Variants in ENOX1 observed in about 807,000 individuals in gnomAD.
ENOX1 encodes the protein candidate growth-related and time keeping constitutive hydroquinone (NADH) oxidase.
A neutral mutation model predicts 82.5 loss-of-function variants in ENOX1; 42 were observed. The observed-to-expected ratio is 0.51, with a 90% CI of 0.40 to 0.66. The LOEUF (loss-of-function observed/expected upper bound fraction) is 0.66, where lower values mean the gene tolerates loss of function less well. ENOX1 is among the 30% of genes least tolerant of loss of function. The probability of loss-of-function intolerance (pLI) is 0.00; values close to 1 mark genes in which losing one functional copy is unlikely to be tolerated. For synonymous variants in ENOX1, 271 were observed against 282.2 expected (o/e 0.96, Z 0.40); for missense variants, 608 against 811.6 (o/e 0.75, Z 3.05).
At chr13:43,507,259 C>G (rs1004862907) in intron 2 of ENOX1, among the ~76,000 whole-genome samples, 11 of 151,766 alleles carry the variant, frequency 7.2e-5, no homozygotes, top group Non-Finnish European at 2.9e-5. Flanking sequence ...GTAAGAAAAG[C>G]AAAGGAGAGG....
At chr13:43,718,423 T>C (rs1478744528) in intron 1 of ENOX1, among the ~76,000 whole-genome samples, 2 of 152,100 alleles carry the variant, frequency 1.3e-5, no homozygotes, top group Non-Finnish European at 2.9e-5. Context: ...AAAAGCCACC[T>C]ACTGGGTACT....
chr13:43,375,019 T>C (rs370186852), intron 5 of ENOX1, among the ~76,000 whole-genome samples: 3 of 152,344 alleles, frequency 2.0e-5, no homozygotes, highest in African/African-American at 7.2e-5. Flanking sequence ...GTTGTTATTA[T>C]GAGTGCCAAA....
intron 1 of ENOX1, among the ~76,000 whole-genome samples, chr13:43,717,994 A>G (rs1425325527): frequency 1.3e-5 from 2 of 152,240 alleles, no homozygotes; most frequent in Non-Finnish European, 2.9e-5. Context: ...AAAAAGTTAT[A>G]ATAGAACTTC....
At chr13:43,736,749 A>G (rs2089652248) in intron 1 of ENOX1, among the ~76,000 whole-genome samples, 1 of 152,200 alleles carries the variant, frequency 6.6e-6, no homozygotes, top group Non-Finnish European at 1.5e-5. Flanking sequence ...ACCAGGCTGT[A>G]GCAAAAGGCA....
chr13:43,688,671 C>A (rs1055789786), intron 1 of ENOX1, among the ~76,000 whole-genome samples: 12 of 152,158 alleles, frequency 7.9e-5, no homozygotes, highest in Non-Finnish European at 1.0e-4. Flanking sequence ...AGGAGTGTGG[C>A]AATCAGAATA....
intron 2 of ENOX1, among the ~76,000 whole-genome samples, chr13:43,642,059 C>T (rs943068831): frequency 6.6e-6 from 1 of 152,096 alleles, no homozygotes; most frequent in Non-Finnish European, 1.5e-5. Flanking sequence ...TTATTATCAT[C>T]CTAATTTTAC....
chr13:43,510,950 T>C (rs1218304187), intron 2 of ENOX1, among the ~76,000 whole-genome samples: 2 of 152,114 alleles, frequency 1.3e-5, no homozygotes, highest in African/African-American at 2.4e-5. Context: ...AGAAAAAATA[T>C]AAGGAAATTC....
chr13:43,713,146 C>A (rs2087852863), intron 1 of ENOX1, among the ~76,000 whole-genome samples: 1 of 152,054 alleles, frequency 6.6e-6, no homozygotes, highest in African/African-American at 2.4e-5. Context: ...TTGTCAAAGG[C>A]CTTTTCTGCA....
intron 2 of ENOX1, among the ~76,000 whole-genome samples, chr13:43,489,057 C>T (rs958954584): frequency 1.3e-5 from 2 of 152,048 alleles, no homozygotes; most frequent in African/African-American, 4.8e-5. Context: ...GACCAAGTGA[C>T]TGTTTGGTAA....
Position 43,779,841 on chromosome 13 carries a change from A to G in ENOX1, c.-285+6811T>C, listed in dbSNP as rs78063918. On this transcript the variant is annotated intron_variant, in intron 1 of 16. Coordinates refer to ENST00000690772, the MANE Select transcript of ENOX1 (RefSeq NM_001347969.2). ...CCCTGCAAGCAGCATGTTCTCTTCCATGAGCAGCAACTGTGCCTTAGGAAT... is the reference window on the plus strand; with the variant it reads ...CCCTGCAAGCAGCATGTTCTCTTCCGTGAGCAGCAACTGTGCCTTAGGAAT... Among the ~76,000 whole-genome samples, 1,364 of 152,248 alleles carry G rather than the reference A, an allele frequency of 9.0e-3. 21 individuals are homozygous for G. Among genetic ancestry groups the G allele is most frequent in the African/African-American group, 0.031 (1,292 of 41,544 alleles).
At chr13:43,431,156 T>C (rs2055633606) in intron 3 of ENOX1, among the ~76,000 whole-genome samples, 3 of 152,268 alleles carry the variant, frequency 2.0e-5, no homozygotes, top group Admixed American at 2.0e-4. Context: ...GGTTTTCAGC[T>C]TCGCAGAAAC....
chr13:43,326,674 CA>C (rs2153530604), intron 9 of ENOX1, 149 bp from the exon 10 acceptor site: 2 of 686,022 alleles, frequency 2.9e-6, no homozygotes, highest in South Asian at 3.7e-5. Context: ...TTCGTACTTA[CA>C]TTTTAGCAAG....
intron 1 of ENOX1, among the ~76,000 whole-genome samples, chr13:43,779,106 G>A (rs571025875): frequency 7.5e-4 from 113 of 150,230 alleles, no homozygotes; most frequent in Middle Eastern, 3.4e-3. Flanking sequence ...TTTCTAAGCT[G>A]CAAATCTAAG....
At chr13:43,413,233 C>A (rs2054242872) in intron 3 of ENOX1, among the ~76,000 whole-genome samples, 1 of 152,296 alleles carries the variant, frequency 6.6e-6, no homozygotes, top group East Asian at 1.9e-4. Context: ...GAATAAACAG[C>A]CCCATTTGTG....
At chr13:43,691,192 T>C (rs1208648982) in intron 1 of ENOX1, among the ~76,000 whole-genome samples, 1 of 152,128 alleles carries the variant, frequency 6.6e-6, no homozygotes, top group Non-Finnish European at 1.5e-5. Flanking sequence ...CTGTGAAACT[T>C]AGGACCACCT....
At chr13:43,470,343 T>C (rs1400408261) in intron 3 of ENOX1, among the ~76,000 whole-genome samples, 8 of 8,796 alleles carry the variant, frequency 9.1e-4, no homozygotes, top group East Asian at 0.012. Context: ...TATATATACG[T>C]ATATATATAT....
chr13:43,229,041 T>C (rs1373688388), intron 15 of ENOX1, among the ~76,000 whole-genome samples: 3 of 152,162 alleles, frequency 2.0e-5, no homozygotes, highest in Non-Finnish European at 2.9e-5. Context: ...AACTGAATCA[T>C]AGGGGCAGTT....
In ENOX1 at chr13:43,361,446, A is replaced by G; in HGVS notation, c.215T>C (p.Ile72Thr). Residue 72 changes from isoleucine to threonine, a missense_variant, in exon 6 of 17, where the codon ATC (isoleucine) becomes ACC (threonine). By Grantham distance (89) the Ile-to-Thr change is moderately conservative (BLOSUM62 -1). Coordinates refer to ENST00000690772, the MANE Select transcript of ENOX1 (RefSeq NM_001347969.2). ...LPGQQLVSDS[I>T]CVPGFDPSLN... ...GCTTGGATCAAAGCCTGGGACACAG[A>G]TTGAGTCTGTAAAGTATACAAGATA... 2 of 1,610,850 alleles carry G rather than the reference A, an allele frequency of 1.2e-6. No homozygotes were observed. The highest frequency in any genetic ancestry group is 1.1e-5 in the South Asian group (1 of 89,954).
intron 2 of ENOX1, among the ~76,000 whole-genome samples, chr13:43,581,361 T>G (rs1399658752): frequency 6.6e-6 from 1 of 151,632 alleles, no homozygotes; most frequent in Non-Finnish European, 1.5e-5. Context: ...CTCGATCTCC[T>G]GACCTCGTGA....
Sources: allele counts gnomAD v4.1 joint callset (sites outside exome capture counted in the v4.1 genomes callset), GRCh38; gene constraint gnomAD v4.1.1; transcripts MANE v1.5; gene names NCBI Gene and HGNC (gene_info 2026-07-23, HGNC 2026-07-21).